ROBO2: variants seen among roughly 807,000 people sequenced by gnomAD.
The protein encoded by ROBO2 is roundabout homolog 2.
Under a neutral mutation model 160.8 loss-of-function variants are expected in ROBO2, and 53 were observed. That is an observed-to-expected ratio of 0.33 (90% CI 0.26 to 0.41). The LOEUF (loss-of-function observed/expected upper bound fraction) is 0.41. ROBO2 is among the 10% of genes least tolerant of loss of function. ROBO2 has a pLI of 1.00. For missense variants in ROBO2, 1,577 were observed against 1,722.4 expected (o/e 0.92, Z 1.49); for synonymous variants, 664 against 611.7 (o/e 1.09, Z -1.26).
chr3:76,082,274 C>T (rs1158191978), intron 2 of ROBO2, among the ~76,000 whole-genome samples: 1 of 151,968 alleles, frequency 6.6e-6, no homozygotes, highest in Non-Finnish European at 1.5e-5. Flanking sequence ...TAAGATGAGT[C>T]CTTAAGGGTT....
intron 2 of ROBO2, among the ~76,000 whole-genome samples, chr3:76,213,317 A>G (rs1222012812): frequency 1.3e-5 from 2 of 152,174 alleles, no homozygotes; most frequent in Non-Finnish European, 2.9e-5. Context: ...AGAAGAAGTT[A>G]TCTAATGTAA....
intron 2 of ROBO2, among the ~76,000 whole-genome samples, chr3:76,411,840 A>C (rs1050081910): frequency 6.6e-6 from 1 of 152,180 alleles, no homozygotes; most frequent in Non-Finnish European, 1.5e-5. Context: ...ATGGGACAGA[A>C]GATTATAGGG....
At chr3:76,641,633 A>G (rs529101480) in intron 2 of ROBO2, among the ~76,000 whole-genome samples, 7 of 152,334 alleles carry the variant, frequency 4.6e-5, no homozygotes, top group Admixed American at 2.0e-4. Context: ...AAAACAAAAA[A>G]AACCCACAAA....
intron 2 of ROBO2, among the ~76,000 whole-genome samples, chr3:77,300,513 T>A (rs1031359587): frequency 6.6e-6 from 1 of 152,066 alleles, no homozygotes; most frequent in Non-Finnish European, 1.5e-5. Flanking sequence ...TATCAGTCTT[T>A]GGAATTTTTA....
chr3:76,481,213 A>G lies in ROBO2; in HGVS notation c.109+543611A>G, dbSNP rs138289859. On this transcript the variant is annotated intron_variant, in intron 2 of 26. Coordinates refer to the ROBO2 transcript ENST00000487694. Reference sequence around the variant, plus strand: ...ACACTCAAGCTGGGTCTCAAACATTAGTATGTATTAGTTTAAGTAGACTGC... The same window carrying G: ...ACACTCAAGCTGGGTCTCAAACATTGGTATGTATTAGTTTAAGTAGACTGC... Among the ~76,000 whole-genome samples, 475 of 152,286 alleles carry G rather than the reference A, an allele frequency of 3.1e-3. 2 individuals are homozygous for G. Among genetic ancestry groups the G allele is most frequent in the Non-Finnish European group, 5.1e-3 (345 of 68,022 alleles).
chr3:76,920,884 A>G (rs550835829), intron 2 of ROBO2, among the ~76,000 whole-genome samples: 70 of 152,358 alleles, frequency 4.6e-4, no homozygotes, highest in Non-Finnish European at 8.8e-4. Context: ...CTCACAGCTT[A>G]TAATGAAAGC....
At chr3:75,942,308 C>T (rs532857360) in intron 2 of ROBO2, among the ~76,000 whole-genome samples, 10 of 152,072 alleles carry the variant, frequency 6.6e-5, no homozygotes, top group African/African-American at 1.4e-4. Context: ...AATATTGCTT[C>T]GAGAGAGGTG....
At chr3:77,258,024 C>A (rs2058533284) in intron 2 of ROBO2, among the ~76,000 whole-genome samples, 1 of 152,184 alleles carries the variant, frequency 6.6e-6, no homozygotes, top group African/African-American at 2.4e-5. Context: ...CTCTGCTATA[C>A]TGGAAGTGTA....
At chr3:76,858,923 C>G (rs2070440600) in intron 2 of ROBO2, among the ~76,000 whole-genome samples, 1 of 152,048 alleles carries the variant, frequency 6.6e-6, no homozygotes, top group African/African-American at 2.4e-5. Context: ...GATGGCTGTG[C>G]TGTTGGACAT....
At chr3:77,442,658 T>A (rs1477488929) in intron 2 of ROBO2, among the ~76,000 whole-genome samples, 1 of 152,162 alleles carries the variant, frequency 6.6e-6, no homozygotes, top group African/African-American at 2.4e-5. Flanking sequence ...TATAGCGTGA[T>A]GATGTGCACT....
At chr3:77,130,473 T>C (rs1308594821) in intron 2 of ROBO2, among the ~76,000 whole-genome samples, 2 of 152,238 alleles carry the variant, frequency 1.3e-5, no homozygotes, top group African/African-American at 2.4e-5. Flanking sequence ...GAAATGTGCA[T>C]TAAAATGATG....
chr3:76,811,807 TTCC>T, intron 2 of ROBO2, among the ~76,000 whole-genome samples: 2 of 66,328 alleles, frequency 3.0e-5, no homozygotes, highest in South Asian at 5.5e-4. Context: ...CCTTCCTTCC[TTCC>T]TTCCTTCCTT....
At chr3:76,688,771 C>A (rs191357248) in intron 2 of ROBO2, among the ~76,000 whole-genome samples, 26 of 152,046 alleles carry the variant, frequency 1.7e-4, no homozygotes, top group Non-Finnish European at 2.6e-4. Flanking sequence ...TTTAAAACTC[C>A]GCAGCTTTAT....
chr3:76,853,647 T>C (rs1328923963), intron 2 of ROBO2, among the ~76,000 whole-genome samples: 1 of 152,066 alleles, frequency 6.6e-6, no homozygotes. Context: ...AAAATATAGA[T>C]GAAGTGTAGG....
At chr3:75,967,304 GA>G (rs1949150239) in intron 2 of ROBO2, among the ~76,000 whole-genome samples, 1 of 151,500 alleles carries the variant, frequency 6.6e-6, no homozygotes, top group South Asian at 2.1e-4. Flanking sequence ...TGCCAATCTT[GA>G]GAAGATTTCA....
chr3:77,370,212 T>C (rs1018400680), intron 2 of ROBO2, among the ~76,000 whole-genome samples: 1 of 152,228 alleles, frequency 6.6e-6, no homozygotes, highest in African/African-American at 2.4e-5. Context: ...TTGTGGTTCT[T>C]GATCTAGATA....
intron 2 of ROBO2, among the ~76,000 whole-genome samples, chr3:76,764,751 T>C (rs2061485337): frequency 6.6e-6 from 1 of 151,614 alleles, no homozygotes; most frequent in Non-Finnish European, 1.5e-5. Flanking sequence ...CCTCAAACTT[T>C]TTCAGCCACC....
At chr3:76,890,603 C>T (rs1056817422) in intron 2 of ROBO2, among the ~76,000 whole-genome samples, 15 of 152,026 alleles carry the variant, frequency 9.9e-5, no homozygotes, top group Admixed American at 2.6e-4. Flanking sequence ...ATAGATTAGA[C>T]GGGTAAATAT....
At chr3:76,793,308 T>C (rs1364692427) in intron 2 of ROBO2, among the ~76,000 whole-genome samples, 1 of 151,942 alleles carries the variant, frequency 6.6e-6, no homozygotes, top group African/African-American at 2.4e-5. Flanking sequence ...TATCTCACCC[T>C]GATCATTTAT....
Sources: gnomAD v4.1 joint callset for allele counts (sites outside exome capture counted in the v4.1 genomes callset) on GRCh38, gnomAD v4.1.1 for gene constraint, MANE v1.5 for transcripts, NCBI Gene and HGNC (gene_info 2026-07-23, HGNC 2026-07-21) for gene names.